Variants in SLC38A7 observed in about 807,000 individuals in gnomAD.
SLC38A7 encodes solute carrier family 38 member 7.
Under a neutral mutation model 50.1 loss-of-function variants are expected in SLC38A7, and 29 were observed. That is an observed-to-expected ratio of 0.58 (90% confidence interval 0.43 to 0.79). The LOEUF is 0.79. SLC38A7 is among the 30% of genes least tolerant of loss of function. SLC38A7 has a pLI of 0.00. For missense variants in SLC38A7, 483 were observed against 610.6 expected (o/e 0.79, Z 2.20); for synonymous variants, 244 against 245.9 (o/e 0.99, Z 0.07).
In SLC38A7 at chr16:58,676,064, T is replaced by C; in HGVS notation, c.769-10A>G. ...CACTGCTGACGTGGCACTGTCCAGG[T>C]GAAGGGCACCGTCATGGTGGGGAAA... On this transcript the variant is annotated splice_polypyrimidine_tract_variant and intron_variant, in intron 7 of 11. Coordinates refer to ENST00000219320, the MANE Select transcript of SLC38A7 (RefSeq NM_018231.3). The C allele has an allele frequency of 1.2e-6, 2 of 1,611,392 alleles. No homozygotes were observed.
At chr16:58,679,798 C>T (rs1411244028) in intron 3 of SLC38A7, 59 bp downstream of exon 3, 1 of 1,606,806 alleles carries the variant, frequency 6.2e-7, no homozygotes, top group Non-Finnish European at 8.5e-7. Flanking sequence ...CGAAGCCTCC[C>T]TTTTGAGGCA....
At chr16:58,681,350 C>T (rs2044384655) in intron 2 of SLC38A7, 1 of 152,152 alleles carries the variant, frequency 6.6e-6, no homozygotes, top group Non-Finnish European at 1.5e-5. Flanking sequence ...CAAGATGGTA[C>T]CTTGGGTATG....
chr16:58,671,456 TC>T, intron 9 of SLC38A7: 1 of 597,410 alleles, frequency 1.7e-6, no homozygotes, highest in Non-Finnish European at 3.0e-6. Flanking sequence ...TTGCTTTACA[TC>T]ACATGGAAAC....
At position 58,675,930 on chromosome 16, in the gene SLC38A7, G is replaced by C. The variant is rs560244127; in HGVS notation, c.883+10C>G. ...TCTAGTCCCAGGTCTTGGGGGGGGGGAGCACTCACCTGTCCCCATGTAGAC... is the reference window on the plus strand; with the variant it reads ...TCTAGTCCCAGGTCTTGGGGGGGGGCAGCACTCACCTGTCCCCATGTAGAC... On this transcript the variant is annotated intron_variant, in intron 8 of 11. Transcript: ENST00000219320. The C allele has an allele frequency of 6.2e-5, 98 of 1,583,934 alleles. No homozygotes were observed. In the African/African-American group the frequency reaches 1.3e-3, roughly 20 times the overall value.
At chr16:58,668,814 C>A (rs1362326974) in intron 11 of SLC38A7, among the ~76,000 whole-genome samples, 1 of 151,014 alleles carries the variant, frequency 6.6e-6, no homozygotes, top group East Asian at 1.9e-4. Flanking sequence ...TTGCTATCAC[C>A]CAGGCTGGAG....
In SLC38A7 at chr16:58,676,273, C is replaced by A. The variant is rs1347934170; in HGVS notation, c.768+16G>T. ...ATCTAAGGGGACAGCAGGGACCTTG[C>A]AACTGGCACTGGCACCTGAAATCCG... On this transcript the variant is annotated intron_variant, in intron 7 of 11. Coordinates refer to ENST00000219320, the MANE Select transcript of SLC38A7 (RefSeq NM_018231.3). 1 of 1,614,180 alleles carries A rather than the reference C, an allele frequency of 6.2e-7. No homozygotes were observed. Among genetic ancestry groups the A allele is most frequent in the South Asian group, 1.1e-5 (1 of 91,084 alleles).
At chr16:58,670,086 A>C in intron 11 of SLC38A7, 27 bp downstream of exon 11, 1 of 1,612,788 alleles carries the variant, frequency 6.2e-7, no homozygotes, top group South Asian at 1.1e-5. Context: ...CCTCCCTGAG[A>C]GGATCAAGGG....
chr16:58,672,351 G>A, intron 8 of SLC38A7, 108 bp from the exon 9 acceptor site: 1 of 1,212,268 alleles, frequency 8.2e-7, no homozygotes, highest in Non-Finnish European at 1.1e-6. Context: ...AGCAGCTCTG[G>A]ACACTTAGAC....
chr16:58,671,797 A>C, intron 9 of SLC38A7: 1 of 258,312 alleles, frequency 3.9e-6, no homozygotes, highest in Non-Finnish European at 7.4e-6. Context: ...TTGAACTCCC[A>C]GGCTCAAGCG....
intron 2 of SLC38A7, chr16:58,681,420 C>T (rs1465906034): frequency 1.4e-5 from 2 of 146,468 alleles, no homozygotes; most frequent in Non-Finnish European, 3.0e-5. Flanking sequence ...TGGATAAACA[C>T]AATTGAGATG....
chr16:58,673,917 C>A (rs140814230), intron 8 of SLC38A7, among the ~76,000 whole-genome samples: 1 of 152,004 alleles, frequency 6.6e-6, no homozygotes, highest in African/African-American at 2.4e-5. Context: ...CCTCGGCCTC[C>A]CAGGTTCAAG....
At chr16:58,680,515 A>G (rs2044368398) in intron 2 of SLC38A7, among the ~76,000 whole-genome samples, 1 of 152,238 alleles carries the variant, frequency 6.6e-6, no homozygotes, top group Non-Finnish European at 1.5e-5. Context: ...GAGGCCCCGC[A>G]TCGGGCAGGT....
At chr16:58,683,195 G>A (rs1258741520) in intron 2 of SLC38A7, among the ~76,000 whole-genome samples, 1 of 152,154 alleles carries the variant, frequency 6.6e-6, no homozygotes, top group East Asian at 1.9e-4. Flanking sequence ...AGTCTTTATA[G>A]CCCAGAGGGA....
rs1338552183 is a variant in SLC38A7 at position 58,676,302 on chromosome 16, C to T, written c.755G>A (p.Cys252Tyr). The change falls in exon 7 of 12, where the codon TGC (cysteine) becomes TAC (tyrosine). Residue 252 changes from cysteine to tyrosine, a missense_variant. Physicochemically the swap from Cys to Tyr is radical, Grantham distance 194. Transcript: ENST00000219320. ...TGGCACTGGCACCTGAAATCCGAAG[C>T]AGATGGTGGGCATGGCATTGAACAC... ...MAVFNAMPTI[C>Y]FGFQCHVSSV... is the part of the protein sequence containing the mutation. 1 of 1,614,194 alleles carries T rather than the reference C, an allele frequency of 6.2e-7. No homozygotes were observed. The highest frequency in any genetic ancestry group is 1.7e-5 in the Admixed American group (1 of 60,022).
Position 58,672,140 on chromosome 16 carries a change from G to A in SLC38A7, c.987C>T (p.Ile329=). Residue 329 remains isoleucine (I), a synonymous_variant, in exon 9 of 12, where the codon ATC becomes ATT. Coordinates refer to ENST00000219320, the MANE Select transcript of SLC38A7 (RefSeq NM_018231.3). ...TAGGGTAGGAGGTGAGCACGCTCAG[G>A]ATGATGAAGGCTCGGGCAACGGCCA... ...MAVAVARAFI[I]LSVLTSYPIL... is the part of the protein sequence containing the mutation. 2 of 1,562,584 alleles carry A rather than the reference G, an allele frequency of 1.3e-6. No individual in the cohort carries two copies. The highest frequency in any genetic ancestry group is 1.7e-6 in the Non-Finnish European group (2 of 1,153,476).
chr16:58,678,861 T>C lies in SLC38A7; in HGVS notation c.304A>G (p.Ile102Val). Residue 102 changes from isoleucine to valine, a missense_variant, in exon 4 of 12, where the codon ATC becomes GTC. By Grantham distance (29) the Ile-to-Val change is conservative. Transcript: ENST00000219320. This position sits in a 1 kb window ranked among gnomAD's most constrained non-coding sequence, Gnocchi z 4.0. The part of the protein sequence containing the change: ...MLVFIISGLV[I>V]LAYCSQASNE... Reference sequence around the variant, plus strand: ...CTGGCCTGGGAGCAGTAGGCCAGGATGACAAGGCCACTGATGATGAAAACC... The same window carrying C: ...CTGGCCTGGGAGCAGTAGGCCAGGACGACAAGGCCACTGATGATGAAAACC... 1 of 1,613,974 alleles carries C rather than the reference T, an allele frequency of 6.2e-7. No homozygotes were observed. The highest frequency in any genetic ancestry group is 8.5e-7 in the Non-Finnish European group (1 of 1,180,012).
intron 10 of SLC38A7, 25 bp from the exon 11 acceptor site, chr16:58,670,192 G>A (rs377523620): frequency 1.2e-6 from 2 of 1,613,310 alleles, no homozygotes; most frequent in Non-Finnish European, 1.7e-6. Context: ...GTGGCCCTGA[G>A]CATTTGTGAG....
intron 9 of SLC38A7, 29 bp from the exon 10 acceptor site, chr16:58,671,273 G>GC (rs917393865): frequency 9.4e-6 from 15 of 1,601,892 alleles, no homozygotes; most frequent in Non-Finnish European, 1.2e-5. Flanking sequence ...GCTTAGAGGT[G>GC]CCCCTGCTGC....
chr16:58,671,901 G>A lies in SLC38A7; in HGVS notation c.1031+195C>T. On this transcript the variant is annotated intron_variant, in intron 9 of 11. Transcript: ENST00000219320. ...GAGATTCTTACAGGACTCACGGAAT[G>A]TTCTGGTGACCCCAGGACAAAGGGC... 5 of 537,784 alleles carry A rather than the reference G, an allele frequency of 9.3e-6. No homozygotes were observed. In the South Asian group the frequency reaches 1.4e-4, roughly 15 times the overall value. The allele number at this position is 537,784 out of a possible 1,614,324, so 33.3% of individuals were successfully genotyped here. A position where few individuals can be genotyped will look rare whatever the true frequency, so the allele number is the denominator to read the frequency against.
Sources: allele counts gnomAD v4.1 joint callset (sites outside exome capture counted in the v4.1 genomes callset), GRCh38; gene constraint gnomAD v4.1.1; non-coding constraint Gnocchi (gnomAD v3.1); transcripts MANE v1.5; gene names NCBI Gene and HGNC (gene_info 2026-07-23, HGNC 2026-07-21).